Variants in NRG3 observed in about 807,000 individuals in gnomAD.
NRG3 encodes pro-neuregulin-3, membrane-bound isoform.
Under a neutral mutation model 66.9 loss-of-function variants are expected in NRG3, and 31 were observed. The observed-to-expected ratio is 0.46, with a 90% CI of 0.35 to 0.63. NRG3 has a LOEUF of 0.63. Among genes scored for constraint, NRG3 ranks in the 20% least tolerant of loss-of-function variants. The pLI, the probability that NRG3 is intolerant of heterozygous loss-of-function variation, is 0.00. For missense variants in NRG3, 910 were observed against 878.9 expected, an observed-to-expected ratio of 1.04 and a Z score of -0.45; for synonymous variants, 393 against 359.4, an observed-to-expected ratio of 1.09 and a Z score of -1.06.
chr10:82,343,153 T>C (rs1372629605), intron 1 of NRG3, among the ~76,000 whole-genome samples: 2 of 151,954 alleles, frequency 1.3e-5, no homozygotes, highest in East Asian at 3.9e-4. Context: ...AATAAAAAAA[T>C]AGACATATAG....
intron 3 of NRG3, among the ~76,000 whole-genome samples, chr10:82,761,920 TTCTCTTTC>T (rs1381657612): frequency 1.7e-5 from 2 of 116,220 alleles, no homozygotes; most frequent in East Asian, 2.7e-4. Context: ...CTTTCTTTCT[TTCTCTTTC>T]TTTCTTTCTT....
intron 6 of NRG3, among the ~76,000 whole-genome samples, chr10:82,969,185 A>G (rs1027981936): frequency 6.6e-6 from 1 of 152,160 alleles, no homozygotes; most frequent in Admixed American, 6.5e-5. Context: ...TCAGTTTGTC[A>G]TGGATTTGCC....
rs748686565 is a variant in NRG3, at chr10:82,303,931, T to TGGATGTTTA, written c.824-54806_824-54798dup. Among the ~76,000 whole-genome samples, 5 of 152,224 alleles carry TGGATGTTTA rather than the reference T, an allele frequency of 3.3e-5. No individual in the cohort carries two copies. In the East Asian group the frequency reaches 9.7e-4, roughly 29 times the overall value. On this transcript the variant is annotated intron_variant, in intron 1 of 8. Transcript: ENST00000372141. ...ATAAAGGAACTTGGTTCCTTCCTTA[T>TGGATGTTTA]GGATGTTTAGCTTGTTTAAAATGTT...
intron 1 of NRG3, among the ~76,000 whole-genome samples, chr10:82,152,830 C>G (rs2070866222): frequency 6.8e-6 from 1 of 147,494 alleles, no homozygotes; most frequent in Non-Finnish European, 1.5e-5. Flanking sequence ...TTTTCTTTCT[C>G]TTTCTCTTTT....
chr10:82,013,663 A>T (rs2061670866), intron 1 of NRG3, among the ~76,000 whole-genome samples: 1 of 152,140 alleles, frequency 6.6e-6, no homozygotes, highest in Non-Finnish European at 1.5e-5. Flanking sequence ...TCCTTTAAAA[A>T]AGGACTTTTT....
At chr10:82,785,584 A>G (rs2060323590) in intron 3 of NRG3, among the ~76,000 whole-genome samples, 1 of 152,124 alleles carries the variant, frequency 6.6e-6, no homozygotes, top group Admixed American at 6.5e-5. Context: ...TGCAAAGAAT[A>G]TGGTGGAATT....
chr10:82,885,877 A>G (rs1363015208), intron 4 of NRG3, among the ~76,000 whole-genome samples: 1 of 143,114 alleles, frequency 7.0e-6, no homozygotes, highest in Non-Finnish European at 1.5e-5. Context: ...TTTTTTTTGT[A>G]TTATTATTTT....
In NRG3 at chr10:82,557,704, C is replaced by A. The variant is rs377217188; in HGVS notation, c.954-180873C>A. 3.3e-5 allele frequency among the ~76,000 whole-genome samples: 5 copies of A among 152,206 alleles called. No homozygotes were observed. In the East Asian group the frequency reaches 5.8e-4, roughly 18 times the overall value. On this transcript the variant is annotated intron_variant, in intron 2 of 8. Coordinates refer to ENST00000372141, the MANE Select transcript of NRG3 (RefSeq NM_001010848.4). ...ACTGGTATGGGTGCTGGGACTGAGA[C>A]AATAATAACAGTTAACCCTGACATA...
intron 3 of NRG3, among the ~76,000 whole-genome samples, chr10:82,761,924 CTTTCTTTCTT>C (rs2059327518): frequency 1.5e-5 from 1 of 68,224 alleles, no homozygotes; most frequent in African/African-American, 5.6e-5. Context: ...CTTTCTTTCT[CTTTCTTTCTT>C]TCTTTCTTTC....
chr10:81,926,268 C>T (rs1846769855), intron 1 of NRG3, among the ~76,000 whole-genome samples: 1 of 152,028 alleles, frequency 6.6e-6, no homozygotes, highest in African/African-American at 2.4e-5. Flanking sequence ...CAGGCACCCG[C>T]AACCATAGCC....
intron 2 of NRG3, among the ~76,000 whole-genome samples, chr10:82,695,329 A>AG (rs1324129807): frequency 1.3e-5 from 2 of 152,150 alleles, no homozygotes; most frequent in Non-Finnish European, 2.9e-5. Context: ...ATGAAGAAAA[A>AG]GGAAAAATAT....
chr10:82,582,662 TTGTGTGTGTG>T (rs141112949), intron 2 of NRG3, among the ~76,000 whole-genome samples: 30 of 146,478 alleles, frequency 2.0e-4, no homozygotes, highest in South Asian at 4.4e-4. Context: ...TCTATATGTG[TTGTGTGTGTG>T]TGTGTGTGTG....
chr10:82,944,808 C>T (rs753083687), intron 4 of NRG3, among the ~76,000 whole-genome samples: 1 of 151,986 alleles, frequency 6.6e-6, no homozygotes, highest in Non-Finnish European at 1.5e-5. Context: ...CAACATAATT[C>T]CACAGGAAAA....
At chr10:82,492,630 G>C (rs1054986875) in intron 2 of NRG3, among the ~76,000 whole-genome samples, 6 of 152,214 alleles carry the variant, frequency 3.9e-5, no homozygotes, top group African/African-American at 1.4e-4. Context: ...AACAGAGTTT[G>C]CAAGTAGAGA....
intron 1 of NRG3, among the ~76,000 whole-genome samples, chr10:82,219,771 C>G (rs369896104): frequency 6.6e-6 from 1 of 152,006 alleles, no homozygotes; most frequent in East Asian, 1.9e-4. Flanking sequence ...CGTAGGTACA[C>G]AATAGTCCAA....
intron 1 of NRG3, among the ~76,000 whole-genome samples, chr10:82,221,771 T>C (rs1304115208): frequency 6.6e-6 from 1 of 152,198 alleles, no homozygotes; most frequent in African/African-American, 2.4e-5. Context: ...GACTCAGGAC[T>C]GTCATGGTCC....
intron 1 of NRG3, among the ~76,000 whole-genome samples, chr10:82,353,246 C>T (rs2083546511): frequency 6.6e-6 from 1 of 152,160 alleles, no homozygotes; most frequent in Admixed American, 6.5e-5. Context: ...AAGATAAGCA[C>T]AGTGTGCTGC....
intron 4 of NRG3, among the ~76,000 whole-genome samples, chr10:82,869,931 A>G (rs1026371794): frequency 6.7e-6 from 1 of 150,156 alleles, no homozygotes; most frequent in African/African-American, 2.5e-5. Flanking sequence ...TACTATTGTC[A>G]TAGTTTTAAC....
chr10:82,429,052 G>T (rs1027935428), intron 2 of NRG3, among the ~76,000 whole-genome samples: 2 of 151,860 alleles, frequency 1.3e-5, no homozygotes, highest in African/African-American at 4.8e-5. Context: ...TTGTCCAGGG[G>T]ATTGCAATTT....
Sources: gnomAD v4.1 joint callset for allele counts (sites outside exome capture counted in the v4.1 genomes callset) on GRCh38, gnomAD v4.1.1 for gene constraint, MANE v1.5 for transcripts, NCBI Gene and HGNC (gene_info 2026-07-23, HGNC 2026-07-21) for gene names.